Variants in VGLL1 observed in about 807,000 individuals in gnomAD.
VGLL1 encodes transcription cofactor vestigial-like protein 1.
In VGLL1, 4 loss-of-function variants were observed where a neutral mutation model predicts 12.0. The ratio of observed to expected loss-of-function variants is 0.33; its 90% CI spans 0.16 to 0.76. The LOEUF (loss-of-function observed/expected upper bound fraction) is 0.76, where lower values mean the gene tolerates loss of function less well. Ranked by LOEUF, VGLL1 falls within the 30% of genes least tolerant of loss-of-function variation. The pLI, the probability that VGLL1 is intolerant of heterozygous loss-of-function variation, is 0.60. For missense variants in VGLL1, 204 were observed against 208.7 expected, an observed-to-expected ratio of 0.98 and a Z score of 0.14; for synonymous variants, 87 against 81.2, an observed-to-expected ratio of 1.07 and a Z score of -0.39.
chrX:136,540,779 G>A (rs1479601619), intron 2 of VGLL1, among the ~76,000 whole-genome samples: 1 of 111,311 alleles, frequency 9.0e-6, no homozygotes, highest in Non-Finnish European at 1.9e-5. Context: ...TGATCACAAG[G>A]TGTTGACCCT....
intron 2 of VGLL1, among the ~76,000 whole-genome samples, chrX:136,537,708 C>T (rs1018617279): frequency 6.4e-5 from 7 of 110,089 alleles, no homozygotes; most frequent in East Asian, 2.8e-4. Context: ...TACAGGTATG[C>T]GCCACCACAC....
rs1013757405 is a variant in VGLL1, at chrX:136,547,106, G to A, written c.215-1483G>A. On this transcript the variant is annotated intron_variant, in intron 2 of 4. Transcript: ENST00000370634. The stretch of plus-strand genomic sequence containing the variant: ...CCAGTCAAACCAAACATTCAAGAGC[G>A]CTAGGAGAGGTTTGTATGGGAAAGA... Among the ~76,000 whole-genome samples, 16 of 112,293 alleles carry A rather than the reference G, an allele frequency of 1.4e-4. 1 individual carries two copies. Among genetic ancestry groups the A allele is most frequent in the Non-Finnish European group, 2.8e-4 (15 of 53,231 alleles).
intron 1 of VGLL1, among the ~76,000 whole-genome samples, 177 bp downstream of exon 1, chrX:136,532,473 T>C (rs1180776843): frequency 1.8e-5 from 2 of 111,694 alleles, no homozygotes; most frequent in African/African-American, 6.5e-5. Flanking sequence ...TACCCCAGAC[T>C]GCTAGGTACC....
At chrX:136,550,909 A>G in intron 4 of VGLL1, 88 bp downstream of exon 4, 1 of 837,656 alleles carries the variant, frequency 1.2e-6, no homozygotes. Flanking sequence ...TACTGGAGAC[A>G]CTGGTAGTAT....
At chrX:136,543,922 T>G (rs2075863116) in intron 2 of VGLL1, among the ~76,000 whole-genome samples, 1 of 112,324 alleles carries the variant, frequency 8.9e-6, no homozygotes, top group African/African-American at 3.2e-5. Context: ...TCAAGTGGTT[T>G]CTTACGTTTT....
At chrX:136,553,462 CA>C (rs1388727278) in intron 4 of VGLL1, among the ~76,000 whole-genome samples, 2 of 109,676 alleles carry the variant, frequency 1.8e-5, no homozygotes, top group Non-Finnish European at 3.8e-5. Context: ...AGGCACCCGC[CA>C]CAATGCCTGG....
chrX:136,544,084 A>G (rs1208386193), intron 2 of VGLL1, among the ~76,000 whole-genome samples: 1 of 112,033 alleles, frequency 8.9e-6, no homozygotes, highest in Non-Finnish European at 1.9e-5. Flanking sequence ...TTTGCACAGA[A>G]TGGGTTGTAA....
At chrX:136,548,473 T>C (rs2075875539) in intron 2 of VGLL1, 116 bp from the exon 3 acceptor site, 2 of 755,177 alleles carry the variant, frequency 2.6e-6, no homozygotes, top group South Asian at 5.3e-5. Flanking sequence ...GATTTTATTT[T>C]AGCTTTTCTG....
At chrX:136,532,747 C>T (rs1412453522) in intron 1 of VGLL1, among the ~76,000 whole-genome samples, 1 of 102,072 alleles carries the variant, frequency 9.8e-6, no homozygotes, top group Non-Finnish European at 2.0e-5. Flanking sequence ...TGAGGGAGCA[C>T]TTTCTGTCTT....
Position 136,536,182 on chromosome X carries a change from C to T in VGLL1, c.162C>T (p.Ser54=), listed in dbSNP as rs766173641. 1.7e-6 allele frequency: 2 copies of T among 1,208,840 alleles called. No homozygotes were observed. Among genetic ancestry groups the T allele is most frequent in the South Asian group, 1.8e-5 (1 of 56,680 alleles). Residue 54 remains serine, a synonymous_variant, in exon 2 of 5, where the codon AGC becomes AGT. Coordinates refer to ENST00000370634, the MANE Select transcript of VGLL1 (RefSeq NM_016267.4). ...CCAGAGCTCTGAGCAATATCAAGAGCCCCCAGGAATTGACCCCCTCGAGTC... is the reference window on the plus strand; with the variant it reads ...CCAGAGCTCTGAGCAATATCAAGAGTCCCCAGGAATTGACCCCCTCGAGTC... ...HFSRALSNIK[S]PQELTPSSQS...
Position 136,544,613 on chromosome X carries a change from G to A in VGLL1, c.215-3976G>A, listed in dbSNP as rs987921112. 2.7e-5 allele frequency among the ~76,000 whole-genome samples: 3 copies of A among 112,423 alleles called. No individual in the cohort carries two copies. In the Admixed American group the frequency reaches 2.8e-4, roughly 11 times the overall value. On this transcript the variant is annotated intron_variant, in intron 2 of 4. Transcript: ENST00000370634. ...GATTTTCTCATCTGGGTTGCTGTGA[G>A]GATCACATGAGATCATGTATGCAGA...
rs770345537 is a variant in VGLL1 at position 136,550,915 on chromosome X, A to G, written c.688+94A>G. The G allele has an allele frequency of 6.3e-6, 5 of 790,891 alleles. No individual in the cohort carries two copies. The South Asian group carries it at 1.1e-4, about 18-fold the overall frequency. 65.2% of individuals were successfully genotyped at this position (790,891 alleles called of 1,213,427 possible). A position where few individuals can be genotyped will look rare whatever the true frequency, so the allele number is the denominator to read the frequency against. Reference sequence around the variant, plus strand: ...TCTGTCTACTACTGGAGACACTGGTAGTATAAAACCCAGAGTCTCCAGTAA... The same window carrying G: ...TCTGTCTACTACTGGAGACACTGGTGGTATAAAACCCAGAGTCTCCAGTAA... On this transcript the variant is annotated intron_variant, in intron 4 of 4. Coordinates refer to ENST00000370634, the MANE Select transcript of VGLL1 (RefSeq NM_016267.4).
At chrX:136,546,055 C>A (rs1303862490) in intron 2 of VGLL1, among the ~76,000 whole-genome samples, 2 of 111,435 alleles carry the variant, frequency 1.8e-5, no homozygotes, top group Non-Finnish European at 3.8e-5. Context: ...TCCTAGCCTG[C>A]CCCATGTATG....
chrX:136,548,340 A>T (rs775258408), intron 2 of VGLL1, among the ~76,000 whole-genome samples: 1 of 111,764 alleles, frequency 8.9e-6, no homozygotes, highest in Non-Finnish European at 1.9e-5. Flanking sequence ...TATTTTAATG[A>T]AGCAAAAATG....
At chrX:136,555,968 G>T (rs1458275023) in intron 4 of VGLL1, among the ~76,000 whole-genome samples, 2 of 111,109 alleles carry the variant, frequency 1.8e-5, no homozygotes, top group Non-Finnish European at 3.8e-5. Flanking sequence ...TTATCTAGGG[G>T]TGAGGTTGTG....
At chrX:136,532,578 TTTCTTTCTTTCTTTC>T (rs1569359139) in intron 1 of VGLL1, among the ~76,000 whole-genome samples, 2 of 5,731 alleles carry the variant, frequency 3.5e-4, no homozygotes, top group East Asian at 6.9e-3. Flanking sequence ...CAAATATTTC[TTTCTTTCTTTCTTTC>T]TTTCTTTCTT....
chrX:136,556,251 T>A (rs2075900732), intron 4 of VGLL1, among the ~76,000 whole-genome samples, 200 bp from the exon 5 acceptor site: 1 of 111,927 alleles, frequency 8.9e-6, no homozygotes, highest in African/African-American at 3.3e-5. Context: ...GAATAAATTC[T>A]GTTGTGGCTG....
chrX:136,542,567 T>C (rs1268575889), intron 2 of VGLL1, among the ~76,000 whole-genome samples: 1 of 112,698 alleles, frequency 8.9e-6, no homozygotes, highest in Non-Finnish European at 1.9e-5. Context: ...TTACCCAGTT[T>C]ATGAAAATTC....
At chrX:136,532,621 CTTTCTTTCT>C (rs2075826978) in intron 1 of VGLL1, among the ~76,000 whole-genome samples, 1 of 92,510 alleles carries the variant, frequency 1.1e-5, no homozygotes, top group Middle Eastern at 5.3e-3. Context: ...TTCTTTCTTT[CTTTCTTTCT>C]TTCTTTCTTT....
Sources: gnomAD v4.1 joint callset for allele counts (sites outside exome capture counted in the v4.1 genomes callset) on GRCh38, gnomAD v4.1.1 for gene constraint, MANE v1.5 for transcripts, NCBI Gene and HGNC (gene_info 2026-07-23, HGNC 2026-07-21) for gene names.